NTRK3: variants seen among roughly 807,000 people sequenced by gnomAD.
The protein encoded by NTRK3 is NT-3 growth factor receptor.
NTRK3 carries 24 observed loss-of-function variants against 91.7 expected under a neutral mutation model. The ratio of observed to expected loss-of-function variants is 0.26; its 90% confidence interval spans 0.19 to 0.37. The LOEUF is 0.37. Among genes scored for constraint, NTRK3 ranks in the 10% least tolerant of loss-of-function variants. The probability of loss-of-function intolerance (pLI) is 1.00; values close to 1 mark genes in which losing one functional copy is unlikely to be tolerated. For synonymous variants in NTRK3, 483 were observed against 404.0 expected (o/e 1.20, Z -2.34); for missense variants, 880 against 1,068.9 (o/e 0.82, Z 2.46).
chr15:87,985,196 A>T (rs1187623832), intron 14 of NTRK3, among the ~76,000 whole-genome samples: 1 of 152,216 alleles, frequency 6.6e-6, no homozygotes, highest in African/African-American at 2.4e-5. Context: ...ATGGTCAGAA[A>T]TCAGGTTCCC....
intron 14 of NTRK3, among the ~76,000 whole-genome samples, chr15:88,019,307 A>T (rs1004473213): frequency 6.6e-6 from 1 of 152,224 alleles, no homozygotes; most frequent in Non-Finnish European, 1.5e-5. Context: ...AGCCTAGGTG[A>T]GCATTTGCTT....
intron 13 of NTRK3, among the ~76,000 whole-genome samples, chr15:88,094,872 T>C (rs2049422993): frequency 6.6e-6 from 1 of 152,244 alleles, no homozygotes; most frequent in African/African-American, 2.4e-5. Flanking sequence ...TTGCTTAAAT[T>C]AAGCTGTTTT....
At chr15:87,886,698 A>ATATATATATATATATATATATATATG in intron 17 of NTRK3, among the ~76,000 whole-genome samples, 1 of 141,812 alleles carries the variant, frequency 7.1e-6, no homozygotes, top group African/African-American at 2.6e-5. Context: ...ATATATATAT[A>ATATATATATATATATATATATATATG]TACATATATA....
At chr15:88,229,961 C>T (rs1054789449) in intron 3 of NTRK3, among the ~76,000 whole-genome samples, 8 of 152,224 alleles carry the variant, frequency 5.3e-5, no homozygotes, top group Non-Finnish European at 8.8e-5. Flanking sequence ...GGTGGTCCCA[C>T]CACCTCCAGA....
chr15:87,912,128 C>T (rs1024353189), intron 17 of NTRK3, among the ~76,000 whole-genome samples: 2 of 152,184 alleles, frequency 1.3e-5, no homozygotes, highest in South Asian at 4.1e-4. Context: ...CTGCTGGTTG[C>T]TTTAAGATTA....
At chr15:88,183,434 G>A (rs2046687601) in exon 5 of NTRK3, 2 of 1,613,962 alleles carry the variant, frequency 1.2e-6, no homozygotes, top group African/African-American at 2.7e-5. Flanking sequence ...CGCAAATGGG[G>A]GTTCTTGGCA....
chr15:88,115,188 T>A (rs150917255), intron 13 of NTRK3, among the ~76,000 whole-genome samples: 113 of 152,282 alleles, frequency 7.4e-4, no homozygotes, highest in African/African-American at 2.2e-3. Flanking sequence ...TTTCCCAAGC[T>A]CTTGGATGGC....
intron 13 of NTRK3, among the ~76,000 whole-genome samples, chr15:88,109,152 G>A (rs1300784881): frequency 6.6e-6 from 1 of 152,170 alleles, no homozygotes; most frequent in African/African-American, 2.4e-5. Context: ...CAGCACCACC[G>A]CGCAAGGTAG....
chr15:88,119,472 C>G lies in NTRK3; in HGVS notation c.1396+6799G>C, dbSNP rs569284252. ...GAAGCGGGGTGGTTGGAAGGTCTGTCAAATGTCAGAAAAGAGAGGGAGGGC... is the reference window on the plus strand; with the variant it reads ...GAAGCGGGGTGGTTGGAAGGTCTGTGAAATGTCAGAAAAGAGAGGGAGGGC... On this transcript the variant is annotated intron_variant, in intron 13 of 18. Coordinates refer to ENST00000394480, the Ensembl canonical transcript of NTRK3. Among the ~76,000 whole-genome samples the G allele has an allele frequency of 3.3e-5, 5 of 152,240 alleles. No homozygotes were observed. The South Asian group carries it at 1.0e-3, about 32-fold the overall frequency.
intron 14 of NTRK3, among the ~76,000 whole-genome samples, chr15:88,020,841 G>A (rs1419609500): frequency 3.3e-5 from 5 of 152,110 alleles, no homozygotes; most frequent in Non-Finnish European, 7.3e-5. Flanking sequence ...TCTCTCAGCC[G>A]CTAGACCCTG....
chr15:88,024,148 A>G (rs1170086932), intron 14 of NTRK3, among the ~76,000 whole-genome samples: 1 of 152,244 alleles, frequency 6.6e-6, no homozygotes, highest in Non-Finnish European at 1.5e-5. Flanking sequence ...AGCAAGCTTC[A>G]TGGTTAATTG....
At chr15:88,028,620 A>C (rs926901183) in intron 14 of NTRK3, among the ~76,000 whole-genome samples, 1 of 152,140 alleles carries the variant, frequency 6.6e-6, no homozygotes, top group African/African-American at 2.4e-5. Flanking sequence ...TTGCAGACCC[A>C]GACTGGGAAG....
intron 14 of NTRK3, among the ~76,000 whole-genome samples, chr15:87,954,723 T>C (rs1202215795): frequency 1.3e-5 from 2 of 152,258 alleles, no homozygotes; most frequent in East Asian, 1.9e-4. Flanking sequence ...CCATGGTTAC[T>C]AATTTAACAT....
intron 16 of NTRK3, 69 bp downstream of exon 16, chr15:87,932,943 G>A (rs1012566048): frequency 7.8e-6 from 12 of 1,532,632 alleles, no homozygotes; most frequent in African/African-American, 1.4e-5. Context: ...ATAATTTCTG[G>A]CTCCAGGGAA....
At chr15:88,256,730 G>A (rs1392143836) in exon 1 of NTRK3, 1 of 352,188 alleles carries the variant, frequency 2.8e-6, no homozygotes, top group Non-Finnish European at 5.1e-6. Context: ...CTGCAGAAAT[G>A]TACAAGTGCT....
chr15:87,968,389 G>A (rs1026269838), intron 14 of NTRK3, among the ~76,000 whole-genome samples: 22 of 152,146 alleles, frequency 1.4e-4, no homozygotes, highest in African/African-American at 5.3e-4. Context: ...GTAGGGAGTG[G>A]AGGCAAAACA....
At chr15:88,125,487 A>G (rs1266554386) in intron 13 of NTRK3, among the ~76,000 whole-genome samples, 1 of 63,208 alleles carries the variant, frequency 1.6e-5, no homozygotes, top group Non-Finnish European at 3.4e-5. Context: ...ACCCACCCCC[A>G]CCCAACATCG....
chr15:87,979,227 C>A, intron 14 of NTRK3: 1 of 818,790 alleles, frequency 1.2e-6, no homozygotes, highest in South Asian at 1.4e-5. Context: ...ACTGGTGGCT[C>A]ATGCAGTTTC....
At chr15:88,096,625 G>T (rs1030225442) in intron 13 of NTRK3, among the ~76,000 whole-genome samples, 1 of 152,206 alleles carries the variant, frequency 6.6e-6, no homozygotes, top group Non-Finnish European at 1.5e-5. Flanking sequence ...GTACAACCCA[G>T]AAGTGTGGGG....
Sources: gnomAD v4.1 joint callset for allele counts (sites outside exome capture counted in the v4.1 genomes callset) on GRCh38, gnomAD v4.1.1 for gene constraint, MANE v1.5 for transcripts, NCBI Gene and HGNC (gene_info 2026-07-23, HGNC 2026-07-21) for gene names.